CSMD1: variants seen among roughly 807,000 people sequenced by gnomAD.
The protein encoded by CSMD1 is CUB and sushi domain-containing protein 1.
In CSMD1, 213 loss-of-function variants were observed where a neutral mutation model predicts 417.5. The ratio of observed to expected loss-of-function variants is 0.51; its 90% CI spans 0.46 to 0.57. The LOEUF (loss-of-function observed/expected upper bound fraction) is 0.57. CSMD1 is among the 20% of genes least tolerant of loss of function. The pLI is 0.00. For missense variants in CSMD1, 6,923 were observed against 4,529.7 expected (o/e 1.53, Z -15.17); for synonymous variants, 2,862 against 1,736.8 (o/e 1.65, Z -16.11).
At chr8:4,279,173 C>A (rs867913683) in intron 3 of CSMD1, among the ~76,000 whole-genome samples, 1 of 152,082 alleles carries the variant, frequency 6.6e-6, no homozygotes, top group Admixed American at 6.6e-5. Context: ...CCATGCCAAG[C>A]TTCGTCTGTC....
intron 2 of CSMD1, among the ~76,000 whole-genome samples, chr8:4,448,509 T>C (rs944331125): frequency 6.6e-6 from 1 of 152,200 alleles, no homozygotes; most frequent in East Asian, 1.9e-4. Flanking sequence ...TCATTTTAAG[T>C]TCAGATTAGT....
intron 2 of CSMD1, among the ~76,000 whole-genome samples, chr8:4,448,691 A>G (rs73660848): frequency 0.13 from 19,585 of 152,224 alleles, 1,553 homozygotes; most frequent in South Asian, 0.23. Context: ...GAAAGGTCAT[A>G]TATCTTTTTT....
intron 1 of CSMD1, among the ~76,000 whole-genome samples, chr8:4,891,099 C>A (rs1300894505): frequency 6.6e-6 from 1 of 152,136 alleles, no homozygotes; most frequent in African/African-American, 2.4e-5. Context: ...AGCTTTGGAA[C>A]TAGCAAAGCC....
intron 5 of CSMD1, among the ~76,000 whole-genome samples, chr8:3,813,290 G>T (rs1156959706): frequency 6.6e-6 from 1 of 151,974 alleles, no homozygotes; most frequent in Non-Finnish European, 1.5e-5. Context: ...ACATTTAATT[G>T]TATAACCTTT....
chr8:3,141,842 G>A (rs1468172556), intron 41 of CSMD1, among the ~76,000 whole-genome samples: 3 of 148,896 alleles, frequency 2.0e-5, no homozygotes, highest in Non-Finnish European at 4.4e-5. Flanking sequence ...CTGTCGCCCA[G>A]GCTGGAGTGC....
At chr8:3,163,684 G>A (rs577635620) in intron 37 of CSMD1, among the ~76,000 whole-genome samples, 15 of 151,814 alleles carry the variant, frequency 9.9e-5, no homozygotes, top group Non-Finnish European at 1.5e-4. Context: ...CGGCCACCAA[G>A]CACGAGACCC....
At chr8:3,700,477 G>C (rs1800796239) in intron 7 of CSMD1, 1 of 152,170 alleles carries the variant, frequency 6.6e-6, no homozygotes. Context: ...GAAGATAGAA[G>C]GTGTGGATGC....
chr8:3,439,154 C>CAAAAAAAAAAAAAAAAAAAAAAA lies in CSMD1; in HGVS notation c.1562-29550_1562-29549insTTTTTTTTTTTTTTTTTTTTTTT, dbSNP rs1563390150. 7.5e-4 allele frequency among the ~76,000 whole-genome samples: 20 copies of CAAAAAAAAAAAAAAAAAAAAAAA among 26,612 alleles called. 2 individuals are homozygous for CAAAAAAAAAAAAAAAAAAAAAAA. Among genetic ancestry groups the CAAAAAAAAAAAAAAAAAAAAAAA allele is most frequent in the East Asian group, 1.4e-3 (1 of 726 alleles). The allele number at this position is 26,612 out of a possible 152,430, so 17.5% of individuals were successfully genotyped here. ...AAAAAAAAAAAAAAAAAAAAAAAAC[C>CAAAAAAAAAAAAAAAAAAAAAAA]AAGAAAAAAAAAAGAAAAAGAAAAA... is the stretch of plus-strand genomic sequence containing the variant. On this transcript the variant is annotated intron_variant, in intron 12 of 69. Transcript: ENST00000635120.
intron 3 of CSMD1, among the ~76,000 whole-genome samples, chr8:4,260,824 G>C (rs1042238994): frequency 6.6e-6 from 1 of 152,076 alleles, no homozygotes; most frequent in African/African-American, 2.4e-5. Flanking sequence ...TGTATATTAT[G>C]ACACTCTTTG....
At chr8:3,975,578 G>GAA (rs1813377287) in intron 5 of CSMD1, among the ~76,000 whole-genome samples, 1 of 152,130 alleles carries the variant, frequency 6.6e-6, no homozygotes, top group Admixed American at 6.5e-5. Context: ...TTATCAGAGA[G>GAA]AAGCTGGGCA....
At chr8:4,437,134 G>C (rs766556001) in intron 2 of CSMD1, among the ~76,000 whole-genome samples, 1 of 152,144 alleles carries the variant, frequency 6.6e-6, no homozygotes, top group Non-Finnish European at 1.5e-5. Flanking sequence ...AATTCTTTTA[G>C]GGGAATTTTA....
intron 2 of CSMD1, among the ~76,000 whole-genome samples, chr8:4,629,099 G>GA (rs1358430356): frequency 1.3e-5 from 2 of 152,006 alleles, no homozygotes; most frequent in African/African-American, 4.8e-5. Flanking sequence ...AGACATGTTT[G>GA]AATTTTCAAA....
chr8:3,269,145 T>C (rs1005174706), intron 26 of CSMD1, among the ~76,000 whole-genome samples: 29 of 152,232 alleles, frequency 1.9e-4, no homozygotes, highest in African/African-American at 6.8e-4. Flanking sequence ...TTTCAATCAA[T>C]TCAACACGCA....
intron 1 of CSMD1, among the ~76,000 whole-genome samples, chr8:4,687,816 C>T (rs1806488015): frequency 7.3e-6 from 1 of 136,422 alleles, no homozygotes; most frequent in African/African-American, 2.8e-5. Flanking sequence ...GACAGATACA[C>T]ACAAACACAC....
intron 49 of CSMD1, among the ~76,000 whole-genome samples, chr8:3,055,596 T>C (rs180867978): frequency 6.6e-6 from 1 of 152,340 alleles, no homozygotes; most frequent in East Asian, 1.9e-4. Flanking sequence ...GATCACTATT[T>C]TTTTAAAAAT....
chr8:3,654,210 G>C (rs75784708), intron 7 of CSMD1, among the ~76,000 whole-genome samples: 7,654 of 152,202 alleles, frequency 0.05, 259 homozygotes, highest in Middle Eastern at 0.088. Flanking sequence ...TTTACCTTCA[G>C]TTTGACTGAA....
intron 6 of CSMD1, among the ~76,000 whole-genome samples, chr8:3,722,539 C>A (rs186668736): frequency 1.3e-5 from 2 of 152,158 alleles, no homozygotes; most frequent in Non-Finnish European, 2.9e-5. Context: ...TGATCTATAA[C>A]CCTTCTTACC....
chr8:4,793,440 A>G (rs908875515), intron 1 of CSMD1, among the ~76,000 whole-genome samples: 5 of 151,866 alleles, frequency 3.3e-5, no homozygotes, highest in African/African-American at 9.7e-5. Context: ...GCTCTTTATC[A>G]CTTTCTCCTC....
At chr8:4,212,859 C>A (rs1800404637) in intron 3 of CSMD1, among the ~76,000 whole-genome samples, 1 of 150,142 alleles carries the variant, frequency 6.7e-6, no homozygotes, top group African/African-American at 2.5e-5. Flanking sequence ...TCCAGCTTTC[C>A]ATCCTACAGG....
Sources: allele counts gnomAD v4.1 joint callset (sites outside exome capture counted in the v4.1 genomes callset), GRCh38; gene constraint gnomAD v4.1.1; transcripts MANE v1.5; gene names NCBI Gene and HGNC (gene_info 2026-07-23, HGNC 2026-07-21).